Variants in LRRC8D observed in about 807,000 individuals in gnomAD.
LRRC8D encodes leucine rich repeat containing 8 VRAC subunit D, also known as volume-regulated anion channel subunit LRRC8D.
LRRC8D carries 20 observed loss-of-function variants against 55.8 expected under a neutral mutation model. The ratio of observed to expected loss-of-function variants is 0.36; its 90% CI spans 0.25 to 0.52. LRRC8D has a LOEUF of 0.52. LRRC8D is among the 20% of genes least tolerant of loss of function. LRRC8D has a pLI of 0.93. For missense variants in LRRC8D, 651 were observed against 1,030.8 expected (o/e 0.63, Z 5.05); for synonymous variants, 352 against 377.0 (o/e 0.93, Z 0.77).
At chr1:89,878,683 G>A (rs1384260705) in intron 2 of LRRC8D, among the ~76,000 whole-genome samples, 2 of 152,134 alleles carry the variant, frequency 1.3e-5, no homozygotes, top group African/African-American at 2.4e-5. Context: ...TCTCTGATGA[G>A]GGCCATGTGC....
intron 2 of LRRC8D, among the ~76,000 whole-genome samples, chr1:89,916,789 C>T (rs1447619223): frequency 6.6e-6 from 1 of 152,028 alleles, no homozygotes; most frequent in Non-Finnish European, 1.5e-5. Context: ...TCCTCAGGGG[C>T]CGCCACCTTC....
chr1:89,913,205 C>T (rs938319638), intron 2 of LRRC8D, among the ~76,000 whole-genome samples: 1 of 152,220 alleles, frequency 6.6e-6, no homozygotes, highest in Non-Finnish European at 1.5e-5. Context: ...GGTCCCTCCT[C>T]ATTAGGTGGC....
intron 2 of LRRC8D, among the ~76,000 whole-genome samples, chr1:89,844,097 CT>C (rs1400784418): frequency 6.6e-6 from 1 of 152,212 alleles, no homozygotes; most frequent in Non-Finnish European, 1.5e-5. Flanking sequence ...CAGCTGCCCT[CT>C]CCACCCTCTC....
rs760643991 is a variant in LRRC8D at position 89,935,310 on chromosome 1, A to G, written c.2242A>G (p.Ile748Val). 68 of 1,614,120 alleles carry G rather than the reference A, an allele frequency of 4.2e-5. No homozygotes were observed. Among genetic ancestry groups the G allele is most frequent in the Non-Finnish European group, 5.5e-5 (65 of 1,180,032 alleles). The change falls in exon 3 of 3, where the codon ATA becomes GTA. Residue 748 changes from isoleucine to valine, a missense_variant. Ile to Val is a conservative substitution (Grantham distance 29). Coordinates refer to ENST00000337338, the MANE Select transcript of LRRC8D (RefSeq NM_001134479.2). ...CAACATTTCAATGATTCCAATAGAAATAGGATTGCTTCAGAACCTGCAGCA... is the reference window on the plus strand; with the variant it reads ...CAACATTTCAATGATTCCAATAGAAGTAGGATTGCTTCAGAACCTGCAGCA... ...YNNISMIPIE[I>V]GLLQNLQHLH...
intron 2 of LRRC8D, among the ~76,000 whole-genome samples, chr1:89,878,337 A>C (rs1662197959): frequency 2.0e-5 from 3 of 152,198 alleles, no homozygotes; most frequent in Admixed American, 1.3e-4. Context: ...GTTGCTCATC[A>C]AGCTGCCTTT....
chr1:89,865,460 T>G (rs1272979101), intron 2 of LRRC8D, among the ~76,000 whole-genome samples: 4 of 151,642 alleles, frequency 2.6e-5, no homozygotes, highest in Non-Finnish European at 5.9e-5. Context: ...ATAAGATGAA[T>G]GCTTTTTTGC....
rs775956717 is a variant in LRRC8D, at chr1:89,934,009, T to C, written c.941T>C (p.Ile314Thr). The stretch of plus-strand genomic sequence containing the variant: ...AAACTCTATGTGGTCCAAACAGTTA[T>C]CAAAACAGCCAAGTTCATTTTTATT... The part of the protein sequence containing the change: ...IYKLYVVQTV[I>T]KTAKFIFILC... Residue 314 changes from isoleucine to threonine, a missense_variant, in exon 3 of 3, where the codon ATC becomes ACC. Around this residue, in one of 5 missense-constraint regions of LRRC8D, gnomAD observed 178 missense variants for 374.9 expected, o/e 0.47. Transcript: ENST00000337338. The surrounding 1 kb of genome is among the most constrained non-coding windows in gnomAD (Gnocchi z 5.9). 1.9e-6 allele frequency: 3 copies of C among 1,614,088 alleles called. No homozygotes were observed. The highest frequency in any genetic ancestry group is 1.7e-5 in the Admixed American group (1 of 60,008).
At position 89,935,431 on chromosome 1, in the gene LRRC8D, C is replaced by T. The variant is rs1364956688; in HGVS notation, c.2363C>T (p.Thr788Ile). The T allele has an allele frequency of 5.6e-6, 9 of 1,614,096 alleles. No homozygotes were observed. Among genetic ancestry groups the T allele is most frequent in the African/African-American group, 2.7e-5 (2 of 74,942 alleles). ...TTGAATCTGGGACAGAACTGCATCA[C>T]CTCACTCCCAGAGAAAGTTGGTCAG... Reference protein sequence around the residue: ...RTLNLGQNCITSLPEKVGQLS... With the variant: ...RTLNLGQNCIISLPEKVGQLS... Residue 788 changes from threonine to isoleucine, a missense_variant, in exon 3 of 3, where the codon ACC becomes ATC. Transcript: ENST00000337338.
chr1:89,914,291 A>T (rs1318871818), intron 2 of LRRC8D, among the ~76,000 whole-genome samples: 1 of 152,222 alleles, frequency 6.6e-6, no homozygotes, highest in African/African-American at 2.4e-5. Context: ...CCGGAACTCC[A>T]GCTGGCCCGC....
intron 2 of LRRC8D, among the ~76,000 whole-genome samples, chr1:89,924,319 A>C (rs1389105363): frequency 6.6e-6 from 1 of 152,236 alleles, no homozygotes; most frequent in African/African-American, 2.4e-5. Flanking sequence ...ATATGAAAAA[A>C]TGCTCAGCAT....
At chr1:89,874,443 TTGTGTGTGTGTGTGTGTGTGTGTG>T (rs36202085) in intron 2 of LRRC8D, among the ~76,000 whole-genome samples, 1 of 146,296 alleles carries the variant, frequency 6.8e-6, no homozygotes, top group Admixed American at 6.9e-5. Flanking sequence ...AAGAAACTAT[TTGTGTGTGTGTGTGTGTGTGTGTG>T]TGTGTGTGTG....
intron 2 of LRRC8D, among the ~76,000 whole-genome samples, chr1:89,915,414 T>G: frequency 6.6e-6 from 1 of 152,228 alleles, no homozygotes; most frequent in East Asian, 1.9e-4. Context: ...GTGTTTACTG[T>G]TTTTTGATTT....
At chr1:89,828,967 C>G (rs577586773) in intron 1 of LRRC8D, among the ~76,000 whole-genome samples, 12 of 152,288 alleles carry the variant, frequency 7.9e-5, no homozygotes, top group African/African-American at 2.9e-4. Flanking sequence ...CGCCAGAAAG[C>G]TGTGTCTCAA....
At chr1:89,902,064 C>T (rs1662870820) in intron 2 of LRRC8D, among the ~76,000 whole-genome samples, 1 of 152,238 alleles carries the variant, frequency 6.6e-6, no homozygotes, top group African/African-American at 2.4e-5. Context: ...GGCCCTGGGG[C>T]AGAAGTAGGC....
intron 2 of LRRC8D, among the ~76,000 whole-genome samples, chr1:89,909,032 GTGTGTC>G (rs375320237): frequency 8.6e-5 from 13 of 150,532 alleles, no homozygotes; most frequent in African/African-American, 3.1e-4. Flanking sequence ...GCGTGTGTGT[GTGTGTC>G]TGTGTGTCTG....
chr1:89,851,746 G>T (rs1661423291), intron 2 of LRRC8D, among the ~76,000 whole-genome samples: 1 of 152,068 alleles, frequency 6.6e-6, no homozygotes, highest in African/African-American at 2.4e-5. Flanking sequence ...CTGAGCTCAG[G>T]CAATCCACCT....
intron 2 of LRRC8D, among the ~76,000 whole-genome samples, chr1:89,846,277 A>G (rs1328148289): frequency 6.6e-6 from 1 of 150,864 alleles, no homozygotes; most frequent in East Asian, 1.9e-4. Flanking sequence ...TGGCCTTTAG[A>G]TTGTCATGTT....
At chr1:89,867,035 A>G (rs1661869478) in intron 2 of LRRC8D, among the ~76,000 whole-genome samples, 1 of 152,190 alleles carries the variant, frequency 6.6e-6, no homozygotes, top group Non-Finnish European at 1.5e-5. Flanking sequence ...CATATACCAT[A>G]CAATTGGCCC....
chr1:89,859,314 G>T (rs139680801), intron 2 of LRRC8D, among the ~76,000 whole-genome samples: 44 of 151,626 alleles, frequency 2.9e-4, no homozygotes, highest in African/African-American at 1.0e-3. Context: ...GGAGATAGTA[G>T]TGTCGAACAA....
Sources: allele counts gnomAD v4.1 joint callset (sites outside exome capture counted in the v4.1 genomes callset), GRCh38; gene constraint gnomAD v4.1.1; regional missense constraint gnomAD v4.1.1; non-coding constraint Gnocchi (gnomAD v3.1); transcripts MANE v1.5; gene names NCBI Gene and HGNC (gene_info 2026-07-23, HGNC 2026-07-21).